The following ARHGAP42 variants were observed in gnomAD, a reference collection of about 807,000 sequenced individuals.
ARHGAP42 encodes the protein Rho GTPase activating protein 42.
In ARHGAP42, 63 loss-of-function variants were observed where a neutral mutation model predicts 125.0. That is an observed-to-expected ratio of 0.50 (90% confidence interval 0.41 to 0.62). The LOEUF (loss-of-function observed/expected upper bound fraction) is 0.62. Among genes scored for constraint, ARHGAP42 ranks in the 20% least tolerant of loss-of-function variants. ARHGAP42 has a pLI of 0.00. For synonymous variants in ARHGAP42, 339 were observed against 351.0 expected (o/e 0.97, Z 0.38); for missense variants, 766 against 1,024.2 (o/e 0.75, Z 3.44).
intron 12 of ARHGAP42, among the ~76,000 whole-genome samples, chr11:100,956,274 T>A (rs1055134921): frequency 1.3e-5 from 2 of 152,188 alleles, no homozygotes; most frequent in African/African-American, 2.4e-5. Context: ...TATACACAAC[T>A]AAATCAGAAC....
chr11:100,858,116 TG>T (rs774741385), intron 3 of ARHGAP42, among the ~76,000 whole-genome samples: 1,978 of 132,308 alleles, frequency 0.015, 36 homozygotes, highest in Non-Finnish European at 0.017. Flanking sequence ...TGTGTGTGTG[TG>T]TGTGTGTTTA....
At position 100,687,707 on chromosome 11, in the gene ARHGAP42, A is replaced by G; in HGVS notation, c.29A>G (p.Asp10Gly). The G allele has an allele frequency of 6.5e-7, 1 of 1,544,940 alleles. No homozygotes were observed. The highest frequency in any genetic ancestry group is 8.7e-7 in the Non-Finnish European group (1 of 1,144,114). The change falls in exon 1 of 24, where the codon GAT (aspartate) becomes GGT (glycine). Residue 10 changes from aspartate to glycine, a missense_variant. Physicochemically the swap from Asp to Gly is moderately conservative, Grantham distance 94 (BLOSUM62 -1). Coordinates refer to ENST00000298815, the MANE Select transcript of ARHGAP42 (RefSeq NM_152432.4). MGLPTLEFS[D>G]SYLDSPDFRE... ...GGGCTGCCCACTCTGGAGTTCAGCG[A>G]TTCCTACTTGGACAGCCCAGATTTC...
chr11:100,755,740 T>C (rs1862558902), intron 1 of ARHGAP42, among the ~76,000 whole-genome samples: 1 of 152,198 alleles, frequency 6.6e-6, no homozygotes, highest in South Asian at 2.1e-4. Flanking sequence ...TAGATGTGCA[T>C]GAATGAAAAA....
At position 100,802,463 on chromosome 11, in the gene ARHGAP42, C is replaced by T. The variant is rs552099299; in HGVS notation, c.312+7297C>T. ...TTTTTGAGGCAGAGTCTCACTCTGT[C>T]TCCCAGGCTGGAGTGCAGTGGTGCG... On this transcript the variant is annotated intron_variant, in intron 3 of 23. Transcript: ENST00000298815. 4.2e-5 allele frequency among the ~76,000 whole-genome samples: 6 copies of T among 141,538 alleles called. No individual in the cohort carries two copies. The East Asian group carries it at 1.3e-3, about 30-fold the overall frequency. 92.9% of individuals were successfully genotyped at this position (141,538 alleles called of 152,430 possible).
At chr11:100,819,055 A>G (rs1864343713) in intron 3 of ARHGAP42, among the ~76,000 whole-genome samples, 2 of 152,154 alleles carry the variant, frequency 1.3e-5, no homozygotes, top group African/African-American at 2.4e-5. Context: ...CAGAACTTTA[A>G]TGAGTATTTT....
At chr11:100,812,941 C>T (rs1864182194) in intron 3 of ARHGAP42, among the ~76,000 whole-genome samples, 1 of 152,168 alleles carries the variant, frequency 6.6e-6, no homozygotes, top group African/African-American at 2.4e-5. Context: ...AATTGTTATG[C>T]AGACTGTAGA....
Position 100,992,225 on chromosome 11 carries a change from T to C in ARHGAP42, c.*3424T>C, listed in dbSNP as rs1387581222. 8 of 1,454,788 alleles carry C rather than the reference T, an allele frequency of 5.5e-6. No homozygotes were observed. Among genetic ancestry groups the C allele is most frequent in the East Asian group, 4.6e-5 (2 of 43,178 alleles). The allele number at this position is 1,454,788 out of a possible 1,614,324, so 90.1% of individuals were successfully genotyped here. A position where few individuals can be genotyped will look rare whatever the true frequency, so the allele number is the denominator to read the frequency against. On this transcript the variant is annotated 3_prime_UTR_variant, in exon 24 of 24. Transcript: ENST00000298815. ...TAGAACCCCAACTAGACTTATACTTTGACTAAAGTCAGAGGCAGACCAATT... is the reference window on the plus strand; with the variant it reads ...TAGAACCCCAACTAGACTTATACTTCGACTAAAGTCAGAGGCAGACCAATT...
At chr11:100,864,998 C>T (rs191397968) in intron 4 of ARHGAP42, among the ~76,000 whole-genome samples, 87 of 152,180 alleles carry the variant, frequency 5.7e-4, no homozygotes, top group Admixed American at 1.4e-3. Context: ...TTTTGTGAGA[C>T]ATTGGTTTTT....
At chr11:100,919,275 A>G (rs1474947454) in intron 5 of ARHGAP42, among the ~76,000 whole-genome samples, 2 of 152,154 alleles carry the variant, frequency 1.3e-5, no homozygotes, top group African/African-American at 4.8e-5. Flanking sequence ...TCCCAGAGGG[A>G]AAGGAGATAT....
intron 3 of ARHGAP42, among the ~76,000 whole-genome samples, chr11:100,852,971 G>T (rs1257295390): frequency 6.6e-6 from 1 of 152,160 alleles, no homozygotes; most frequent in Non-Finnish European, 1.5e-5. Flanking sequence ...CTGTTGGAAT[G>T]AAACAACTTC....
At chr11:100,773,908 T>C (rs1358541066) in intron 2 of ARHGAP42, among the ~76,000 whole-genome samples, 1 of 152,200 alleles carries the variant, frequency 6.6e-6, no homozygotes, top group African/African-American at 2.4e-5. Context: ...AGATGTAATG[T>C]TGCTTGCTAA....
At chr11:100,723,813 G>C (rs1205890619) in intron 1 of ARHGAP42, among the ~76,000 whole-genome samples, 2 of 152,074 alleles carry the variant, frequency 1.3e-5, no homozygotes, top group East Asian at 3.9e-4. Context: ...TGGTGAGAGG[G>C]ATATCATTGT....
chr11:100,979,196 T>C lies in ARHGAP42; in HGVS notation c.2456+147T>C, dbSNP rs1157142061. 7 of 722,938 alleles carry C rather than the reference T, an allele frequency of 9.7e-6. No individual in the cohort carries two copies. In the East Asian group the frequency reaches 1.9e-4, roughly 20 times the overall value. The allele number at this position is 722,938 out of a possible 1,614,324, so 44.8% of individuals were successfully genotyped here. The stretch of plus-strand genomic sequence containing the variant: ...CACTGGCCCTTCACAGGAAGTCATG[T>C]CTGTAAACAGCATATATCATCTCAC... On this transcript the variant is annotated intron_variant, in intron 22 of 23. Transcript: ENST00000298815.
chr11:100,826,445 G>T (rs1347936360), intron 3 of ARHGAP42, among the ~76,000 whole-genome samples: 1 of 152,078 alleles, frequency 6.6e-6, no homozygotes, highest in East Asian at 1.9e-4. Flanking sequence ...AAAGTTACTT[G>T]ATAATTACAC....
chr11:100,916,143 A>G (rs976430980), intron 5 of ARHGAP42, among the ~76,000 whole-genome samples: 2 of 152,246 alleles, frequency 1.3e-5, no homozygotes, highest in Non-Finnish European at 2.9e-5. Context: ...AAGGCCGTCA[A>G]CTAGGCCATT....
intron 10 of ARHGAP42, 133 bp from the exon 11 acceptor site, chr11:100,948,324 T>C (rs1868076928): frequency 1.5e-6 from 1 of 659,426 alleles, no homozygotes; most frequent in Non-Finnish European, 2.5e-6. Flanking sequence ...TTAGAAAAAT[T>C]CCTATGTTTT....
chr11:100,719,322 A>G lies in ARHGAP42; in HGVS notation c.154+31490A>G, dbSNP rs550473968. Among the ~76,000 whole-genome samples the G allele has an allele frequency of 2.0e-5, 3 of 152,314 alleles. No individual in the cohort carries two copies. The South Asian group carries it at 6.2e-4, about 32-fold the overall frequency. Reference sequence around the variant, plus strand: ...GGTGAGGATTTTACTGCAGATTAAGACTGTAACAGGAGGATGTATCTACTT... The same window carrying G: ...GGTGAGGATTTTACTGCAGATTAAGGCTGTAACAGGAGGATGTATCTACTT... On this transcript the variant is annotated intron_variant, in intron 1 of 23. Transcript: ENST00000298815.
At chr11:100,841,347 C>G (rs1362399496) in intron 3 of ARHGAP42, among the ~76,000 whole-genome samples, 4 of 151,286 alleles carry the variant, frequency 2.6e-5, no homozygotes. Context: ...TTGGTTTGTT[C>G]AGGAGTTGAG....
At chr11:100,937,794 TATATC>T (rs1867773658) in intron 8 of ARHGAP42, among the ~76,000 whole-genome samples, 1 of 152,228 alleles carries the variant, frequency 6.6e-6, no homozygotes, top group Non-Finnish European at 1.5e-5. Context: ...AATCTTCAAA[TATATC>T]ATATTCGGTC....
Sources: gnomAD v4.1 joint callset for allele counts (sites outside exome capture counted in the v4.1 genomes callset) on GRCh38, gnomAD v4.1.1 for gene constraint, MANE v1.5 for transcripts, NCBI Gene and HGNC (gene_info 2026-07-23, HGNC 2026-07-21) for gene names.